The following TDRD12 variants were observed in gnomAD, a reference collection of about 807,000 sequenced individuals.
The protein encoded by TDRD12 is putative ATP-dependent RNA helicase TDRD12.
TDRD12 carries 158 observed loss-of-function variants against 133.5 expected under a neutral mutation model. That is an observed-to-expected ratio of 1.18 (90% CI 1.04 to 1.35). The LOEUF (loss-of-function observed/expected upper bound fraction) is 1.35, where lower values mean the gene tolerates loss of function less well. Ranked by LOEUF, TDRD12 falls within the 40% of genes most tolerant of loss-of-function variation. The pLI, the probability that TDRD12 is intolerant of heterozygous loss-of-function variation, is 0.00. For missense variants in TDRD12, 1,443 were observed against 1,321.3 expected (o/e 1.09, Z -1.43); for synonymous variants, 460 against 477.9 (o/e 0.96, Z 0.49).
chr19:32,744,714 G>T (rs1969549417), intron 4 of TDRD12, among the ~76,000 whole-genome samples: 2 of 151,992 alleles, frequency 1.3e-5, no homozygotes, highest in Admixed American at 6.6e-5. Context: ...TCTTGAATGA[G>T]CACTACCGAG....
chr19:32,815,676 C>T, intron 26 of TDRD12, 56 bp downstream of exon 26: 1 of 1,459,056 alleles, frequency 6.9e-7, no homozygotes, highest in Non-Finnish European at 9.2e-7. Context: ...ATACAACTCA[C>T]AAGTGTTAAG....
At chr19:32,734,079 TA>T (rs1339871641) in intron 2 of TDRD12, among the ~76,000 whole-genome samples, 2 of 151,912 alleles carry the variant, frequency 1.3e-5, no homozygotes, top group African/African-American at 4.8e-5. Flanking sequence ...GTATTTTTAG[TA>T]GAGATGGGAT....
chr19:32,791,503 A>C (rs969291577), intron 13 of TDRD12, among the ~76,000 whole-genome samples: 2 of 152,206 alleles, frequency 1.3e-5, no homozygotes, highest in African/African-American at 4.8e-5. Flanking sequence ...AAAGTTAAAA[A>C]AAAATTTTTT....
At chr19:32,825,562 C>T (rs928335195), downstream of TDRD12, among the ~76,000 whole-genome samples, 1 of 152,138 alleles carries the variant, frequency 6.6e-6, no homozygotes, top group Non-Finnish European at 1.5e-5. This position sits in a 1 kb window ranked among gnomAD's most constrained non-coding sequence, Gnocchi z 4.1. Flanking sequence ...AATTTTAATA[C>T]TTGTCAAAGG....
At chr19:32,787,597 C>A (rs1428917464) in intron 11 of TDRD12, among the ~76,000 whole-genome samples, 1 of 152,196 alleles carries the variant, frequency 6.6e-6, no homozygotes, top group Non-Finnish European at 1.5e-5. Context: ...AGCTTCCCCG[C>A]TGCTTTGTTT....
At chr19:32,807,267 TAAAA>T (rs59421213) in intron 21 of TDRD12, among the ~76,000 whole-genome samples, 19 of 47,206 alleles carry the variant, frequency 4.0e-4, no homozygotes, top group African/African-American at 2.1e-3. Flanking sequence ...ACCAAACTCT[TAAAA>T]AAAAAAAAAA....
At chr19:32,799,237 C>A (rs1040429024) in intron 16 of TDRD12, among the ~76,000 whole-genome samples, 4 of 152,094 alleles carry the variant, frequency 2.6e-5, no homozygotes, top group Non-Finnish European at 5.9e-5. Context: ...TGAGGCGGTG[C>A]AGGGTTCTTG....
intron 3 of TDRD12, among the ~76,000 whole-genome samples, chr19:32,739,360 T>A (rs1413811788): frequency 6.6e-6 from 1 of 151,058 alleles, no homozygotes; most frequent in African/African-American, 2.4e-5. Flanking sequence ...GGGTTCTCTA[T>A]CACCTGGCTG....
At chr19:32,739,496 TTCTGCATCTCCTGGCTGCTC>T (rs1969331888) in intron 3 of TDRD12, among the ~76,000 whole-genome samples, 1 of 135,462 alleles carries the variant, frequency 7.4e-6, no homozygotes, top group African/African-American at 2.8e-5. Context: ...CTGGGGCTCT[TTCTGCATCTCCTGGCTGCTC>T]TCTGCATCTC....
At chr19:32,737,894 A>G (rs1410658671) in intron 2 of TDRD12, among the ~76,000 whole-genome samples, 1 of 152,176 alleles carries the variant, frequency 6.6e-6, no homozygotes, top group Non-Finnish European at 1.5e-5. Context: ...GCAGTTTGGG[A>G]GGCCGAGGCG....
downstream of TDRD12, among the ~76,000 whole-genome samples, chr19:32,825,523 A>T (rs1401910752): frequency 6.6e-6 from 1 of 152,198 alleles, no homozygotes; most frequent in African/African-American, 2.4e-5. The surrounding 1 kb of genome is among the most constrained non-coding windows in gnomAD (Gnocchi z 4.1). Flanking sequence ...GTTCTTTTTC[A>T]AATGAGTGAC....
chr19:32,801,857 C>T (rs1283616944), exon 19 of TDRD12: 3 of 1,377,614 alleles, frequency 2.2e-6, no homozygotes, highest in East Asian at 2.6e-5. Context: ...TAAGTTCTGG[C>T]TCTCAAATTA....
intron 2 of TDRD12, among the ~76,000 whole-genome samples, chr19:32,733,190 C>T (rs1390803903): frequency 2.0e-5 from 3 of 151,608 alleles, no homozygotes; most frequent in Non-Finnish European, 2.9e-5. Flanking sequence ...TATGCGTAGC[C>T]GGGCGTGGTG....
At chr19:32,771,121 G>T (rs918247661) in intron 8 of TDRD12, among the ~76,000 whole-genome samples, 13 of 152,194 alleles carry the variant, frequency 8.5e-5, no homozygotes, top group Non-Finnish European at 1.9e-4. Context: ...GGAGCTGCAT[G>T]TCACCTGTCA....
chr19:32,811,044 A>C (rs940712462), intron 23 of TDRD12, among the ~76,000 whole-genome samples, 166 bp from the exon 24 acceptor site: 1 of 152,248 alleles, frequency 6.6e-6, no homozygotes, highest in East Asian at 1.9e-4. Context: ...TACTTTAAAT[A>C]ATCCACCACT....
In TDRD12 at chr19:32,747,520, CAT is replaced by C. The variant is rs1400565109; in HGVS notation, c.441-954_441-953del. 2.0e-5 allele frequency among the ~76,000 whole-genome samples: 3 copies of C among 152,140 alleles called. No homozygotes were observed. The East Asian group carries it at 5.8e-4, about 29-fold the overall frequency. On this transcript the variant is annotated intron_variant, in intron 4 of 27. Coordinates refer to ENST00000444215, the Ensembl canonical transcript of TDRD12. The stretch of plus-strand genomic sequence containing the variant: ...CTCTGGTACATAAAATCAGAAGAAA[CAT>C]AGAACATCATTCTGACCTGACATTT...
At chr19:32,766,767 A>T (rs1197336444) in intron 8 of TDRD12, among the ~76,000 whole-genome samples, 1 of 151,780 alleles carries the variant, frequency 6.6e-6, no homozygotes, top group Non-Finnish European at 1.5e-5. Context: ...AGCATGCACC[A>T]CCACGCCCGG....
chr19:32,776,058 C>A (rs1005275493), intron 10 of TDRD12, among the ~76,000 whole-genome samples: 4 of 152,096 alleles, frequency 2.6e-5, no homozygotes, highest in African/African-American at 9.7e-5. Context: ...CTGCCTGGGG[C>A]CTGTTCTGCA....
intron 14 of TDRD12, 31 bp downstream of exon 14, chr19:32,794,844 A>G (rs1971178459): frequency 1.4e-6 from 1 of 696,424 alleles, no homozygotes; most frequent in Admixed American, 2.1e-5. Flanking sequence ...CCTCACAACC[A>G]AATGGGTTAA....
Sources: gnomAD v4.1 joint callset for allele counts (sites outside exome capture counted in the v4.1 genomes callset) on GRCh38, gnomAD v4.1.1 for gene constraint, Gnocchi (gnomAD v3.1) non-coding constraint, MANE v1.5 for transcripts, NCBI Gene and HGNC (gene_info 2026-07-23, HGNC 2026-07-21) for gene names.